Variants in STXBP5L observed in about 807,000 individuals in gnomAD.
STXBP5L encodes syntaxin-binding protein 5-like.
A neutral mutation model predicts 144.5 loss-of-function variants in STXBP5L; 65 were observed. The observed-to-expected ratio is 0.45, with a 90% CI of 0.37 to 0.55. The LOEUF is 0.55. Among genes scored for constraint, STXBP5L ranks in the 20% least tolerant of loss-of-function variants. The pLI is 0.00. For synonymous variants in STXBP5L, 505 were observed against 469.6 expected (o/e 1.08, Z -0.97); for missense variants, 1,298 against 1,405.5 (o/e 0.92, Z 1.22).
chr3:120,954,032 C>G (rs551820720), intron 2 of STXBP5L, among the ~76,000 whole-genome samples: 10 of 152,130 alleles, frequency 6.6e-5, no homozygotes, highest in Non-Finnish European at 1.5e-4. Flanking sequence ...TATGTATATT[C>G]TTACCACTAA....
intron 3 of STXBP5L, among the ~76,000 whole-genome samples, chr3:120,973,740 G>C: frequency 7.1e-6 from 1 of 140,316 alleles, no homozygotes; most frequent in Non-Finnish European, 1.5e-5. Flanking sequence ...TCCCCTTCCT[G>C]TGTCCATGTG....
At chr3:121,106,667 A>C (rs2043727844) in intron 5 of STXBP5L, among the ~76,000 whole-genome samples, 1 of 152,030 alleles carries the variant, frequency 6.6e-6, no homozygotes, top group African/African-American at 2.4e-5. Flanking sequence ...GGTTGATTCC[A>C]TGTCTTTGGT....
At chr3:121,318,367 T>C in intron 19 of STXBP5L, 108 bp from the exon 20 acceptor site, 1 of 595,402 alleles carries the variant, frequency 1.7e-6, no homozygotes, top group Non-Finnish European at 2.8e-6. Context: ...CATGATAAAG[T>C]AGTTTTCACA....
At chr3:120,945,531 G>A (rs1001156383) in intron 2 of STXBP5L, among the ~76,000 whole-genome samples, 4 of 151,614 alleles carry the variant, frequency 2.6e-5, no homozygotes, top group Admixed American at 6.6e-5. Context: ...TATATGCAAT[G>A]TCAACCAAAA....
chr3:121,177,645 G>T (rs533930234), intron 9 of STXBP5L, among the ~76,000 whole-genome samples: 49 of 152,294 alleles, frequency 3.2e-4, no homozygotes, highest in South Asian at 1.4e-3. Context: ...TAGCAAGAAT[G>T]TGGAGCAACT....
rs557314975 is a variant in STXBP5L at position 121,399,903 on chromosome 3, C to A, written c.2588-7340C>A. ...CTATCACTTTTGTCTGCATCAAAAT[C>A]ACTTGAAGCATTCATTACAACACAG... is the stretch of plus-strand genomic sequence containing the variant. On this transcript the variant is annotated intron_variant, in intron 22 of 26. Transcript: ENST00000471454. Among the ~76,000 whole-genome samples the A allele has an allele frequency of 1.2e-4, 19 of 152,328 alleles. No individual in the cohort carries two copies. The South Asian group carries it at 3.9e-3, about 32-fold the overall frequency.
At chr3:121,118,660 G>A (rs2044332047) in intron 6 of STXBP5L, among the ~76,000 whole-genome samples, 1 of 151,604 alleles carries the variant, frequency 6.6e-6, no homozygotes, top group Non-Finnish European at 1.5e-5. Context: ...CAGGTATGGA[G>A]AAATAATTGG....
intron 5 of STXBP5L, among the ~76,000 whole-genome samples, chr3:121,101,776 AAAG>A (rs1242214266): frequency 6.6e-6 from 1 of 152,160 alleles, no homozygotes; most frequent in African/African-American, 2.4e-5. Context: ...CCAACTAGGA[AAAG>A]AAGAAGAAAA....
At chr3:121,285,194 T>C (rs561391327) in intron 19 of STXBP5L, among the ~76,000 whole-genome samples, 6 of 152,198 alleles carry the variant, frequency 3.9e-5, no homozygotes, top group African/African-American at 7.2e-5. Context: ...CTCAGTGTTA[T>C]ATTATCCACT....
At chr3:121,156,672 C>G (rs2046123687) in intron 8 of STXBP5L, among the ~76,000 whole-genome samples, 1 of 151,834 alleles carries the variant, frequency 6.6e-6, no homozygotes, top group Non-Finnish European at 1.5e-5. Flanking sequence ...CCATAAATTC[C>G]ATATCCTTGG....
intron 5 of STXBP5L, among the ~76,000 whole-genome samples, chr3:121,092,230 CT>C (rs2042847488): frequency 6.6e-6 from 1 of 151,936 alleles, no homozygotes; most frequent in African/African-American, 2.4e-5. Context: ...GTTCTTTTGG[CT>C]TAGGACTGAC....
At chr3:121,168,913 GA>G (rs2046599043) in intron 9 of STXBP5L, among the ~76,000 whole-genome samples, 1 of 152,058 alleles carries the variant, frequency 6.6e-6, no homozygotes, top group Non-Finnish European at 1.5e-5. Flanking sequence ...TAAAATGAAG[GA>G]AAAAACATTA....
Position 121,418,401 on chromosome 3 carries a change from T to C in STXBP5L, c.3291T>C (p.Ser1097=), listed in dbSNP as rs377695658. The C allele has an allele frequency of 1.2e-6, 2 of 1,613,844 alleles. No individual in the cohort carries two copies. Among genetic ancestry groups the C allele is most frequent in the Non-Finnish European group, 1.7e-6 (2 of 1,179,960 alleles). ...SLAQHIPGPG[S]IEGMKGAAGG... ...CGCAACACATTCCTGGACCAGGTAG[T>C]ATAGAAGGGATGAAAGGCGCTGCTG... The change falls in exon 26 of 27, where the codon AGT becomes AGC. Residue 1097 remains serine, a synonymous_variant. Coordinates refer to ENST00000471454, the MANE Select transcript of STXBP5L (RefSeq NM_001308330.2).
intron 19 of STXBP5L, among the ~76,000 whole-genome samples, chr3:121,300,605 C>T (rs1209445824): frequency 2.6e-5 from 4 of 151,516 alleles, no homozygotes; most frequent in Non-Finnish European, 4.4e-5. Context: ...ACATTATAAT[C>T]CCTAGAACAA....
chr3:121,248,171 C>A (rs2049916415), intron 14 of STXBP5L, among the ~76,000 whole-genome samples: 1 of 152,136 alleles, frequency 6.6e-6, no homozygotes, highest in South Asian at 2.1e-4. Flanking sequence ...TCAAGCAATT[C>A]TCCTGCTTCA....
chr3:121,211,999 G>C (rs188146690), intron 10 of STXBP5L, among the ~76,000 whole-genome samples: 1 of 151,854 alleles, frequency 6.6e-6, no homozygotes, highest in African/African-American at 2.4e-5. Context: ...TTTTTTGGCC[G>C]CATAAATGTC....
intron 18 of STXBP5L, among the ~76,000 whole-genome samples, chr3:121,276,700 T>C (rs1320163599): frequency 2.0e-5 from 3 of 151,948 alleles, no homozygotes; most frequent in African/African-American, 7.2e-5. Context: ...TTCATCTAAT[T>C]TTTTTAATGA....
intron 9 of STXBP5L, among the ~76,000 whole-genome samples, chr3:121,168,715 T>C (rs1357061531): frequency 2.0e-5 from 3 of 152,162 alleles, no homozygotes; most frequent in Admixed American, 1.3e-4. Context: ...CTATGTTTGA[T>C]TGGTGTACCT....
chr3:121,314,468 G>A (rs1185084802), intron 19 of STXBP5L, among the ~76,000 whole-genome samples: 310 of 143,764 alleles, frequency 2.2e-3, no homozygotes, highest in East Asian at 6.4e-3. Flanking sequence ...GGCGGCGCGC[G>A]CCTGCAATCG....
Sources: gnomAD v4.1 joint callset for allele counts (sites outside exome capture counted in the v4.1 genomes callset) on GRCh38, gnomAD v4.1.1 for gene constraint, MANE v1.5 for transcripts, NCBI Gene and HGNC (gene_info 2026-07-23, HGNC 2026-07-21) for gene names.